Variants in TMEM131 observed in about 807,000 individuals in gnomAD.
The protein encoded by TMEM131 is transmembrane protein 131.
TMEM131 carries 66 observed loss-of-function variants against 211.6 expected under a neutral mutation model. That is an observed-to-expected ratio of 0.31 (90% CI 0.26 to 0.38). The LOEUF (loss-of-function observed/expected upper bound fraction) is 0.38, where lower values mean the gene tolerates loss of function less well. Ranked by LOEUF, TMEM131 falls within the 10% of genes least tolerant of loss-of-function variation. The probability of loss-of-function intolerance (pLI) is 1.00; values close to 1 mark genes in which losing one functional copy is unlikely to be tolerated. For missense variants in TMEM131, 2,036 were observed against 2,299.3 expected, an observed-to-expected ratio of 0.89 and a Z score of 2.34; for synonymous variants, 844 against 841.3, an observed-to-expected ratio of 1.00 and a Z score of -0.06.
At chr2:97,879,940 T>A (rs1193383598) in intron 4 of TMEM131, among the ~76,000 whole-genome samples, 1 of 152,174 alleles carries the variant, frequency 6.6e-6, no homozygotes. Context: ...GCCCCTAACC[T>A]GCCATGTTGT....
rs747576558 is a variant in TMEM131, at chr2:97,766,111, T to C, written c.4723+3A>G. 3 of 1,613,956 alleles carry C rather than the reference T, an allele frequency of 1.9e-6. No homozygotes were observed. The Admixed American group carries it at 5.0e-5, about 27-fold the overall frequency. ...CCTGTGGTTTCTAAACTACTATACT[T>C]ACAGCTGCCAGGTTTGTGAACTGGA... On this transcript the variant is annotated splice_donor_region_variant and intron_variant, in intron 35 of 40. Coordinates refer to ENST00000186436, the MANE Select transcript of TMEM131 (RefSeq NM_015348.2).
intron 19 of TMEM131, among the ~76,000 whole-genome samples, chr2:97,807,457 G>A (rs1681360090): frequency 1.3e-5 from 2 of 152,114 alleles, no homozygotes; most frequent in African/African-American, 4.8e-5. Flanking sequence ...CTTCTCTCTT[G>A]CCATGTGATC....
Position 97,839,677 on chromosome 2 carries a change from T to C in TMEM131, c.723+2138A>G, listed in dbSNP as rs530761311. On this transcript the variant is annotated intron_variant, in intron 7 of 40. Coordinates refer to ENST00000186436, the MANE Select transcript of TMEM131 (RefSeq NM_015348.2). ...TACATACAAGGTGGCAAAAGTGGTG[T>C]CCACGAGGAAGGGCTTGGACTGCAA... 6.6e-5 allele frequency among the ~76,000 whole-genome samples: 10 copies of C among 152,366 alleles called. No homozygotes were observed. The East Asian group carries it at 1.9e-3, about 29-fold the overall frequency.
intron 4 of TMEM131, among the ~76,000 whole-genome samples, chr2:97,879,031 T>G (rs1328279341): frequency 1.3e-5 from 2 of 152,170 alleles, no homozygotes; most frequent in Non-Finnish European, 2.9e-5. Context: ...TCTTGATATC[T>G]GAACCAAATT....
chr2:97,801,405 T>C (rs1681030459), intron 25 of TMEM131, among the ~76,000 whole-genome samples: 1 of 152,258 alleles, frequency 6.6e-6, no homozygotes, highest in South Asian at 2.1e-4. Flanking sequence ...AACCAGTTTA[T>C]GTATATGTTT....
At chr2:97,811,498 A>C (rs1279321944) in intron 17 of TMEM131, among the ~76,000 whole-genome samples, 1 of 151,794 alleles carries the variant, frequency 6.6e-6, no homozygotes, top group Non-Finnish European at 1.5e-5. Flanking sequence ...AAAGCTCCTC[A>C]CTCTTTACCC....
rs1678877105 is a variant in TMEM131 at position 97,762,022 on chromosome 2, G to A, written c.4889+13C>T. 2 of 1,540,420 alleles carry A rather than the reference G, an allele frequency of 1.3e-6. No individual in the cohort carries two copies. The highest frequency in any genetic ancestry group is 4.6e-5 in the East Asian group (2 of 43,660). ...TTTCAAGCTGAGAACCGGAAAGGAA[G>A]CAGCAGGCCTACCTGCTGGAGCTGC... On this transcript the variant is annotated intron_variant, in intron 36 of 40. Transcript: ENST00000186436.
intron 5 of TMEM131, among the ~76,000 whole-genome samples, chr2:97,848,157 C>A (rs1261344993): frequency 6.6e-6 from 1 of 152,122 alleles, no homozygotes; most frequent in African/African-American, 2.4e-5. Flanking sequence ...CTCACACATA[C>A]AAGGTCAACT....
chr2:97,810,991 C>A, intron 18 of TMEM131, 137 bp downstream of exon 18: 1 of 676,242 alleles, frequency 1.5e-6, no homozygotes, highest in Non-Finnish European at 2.6e-6. Flanking sequence ...AAACTATTCT[C>A]GAAAGCTCAG....
intron 4 of TMEM131, among the ~76,000 whole-genome samples, chr2:97,878,459 A>G (rs1209116519): frequency 6.6e-6 from 1 of 152,266 alleles, no homozygotes; most frequent in Admixed American, 6.5e-5. Context: ...TCATATGTCC[A>G]TCAATAGGCT....
chr2:97,864,324 G>A (rs1035413640), intron 4 of TMEM131, among the ~76,000 whole-genome samples: 3 of 151,774 alleles, frequency 2.0e-5, no homozygotes, highest in Admixed American at 6.6e-5. Context: ...AGCACAACAC[G>A]GTGACTACAG....
At position 97,837,175 on chromosome 2, in the gene TMEM131, A is replaced by G. The variant is rs113517252; in HGVS notation, c.724-18T>C. On this transcript the variant is annotated intron_variant, in intron 7 of 40. Coordinates refer to ENST00000186436, the MANE Select transcript of TMEM131 (RefSeq NM_015348.2). The stretch of plus-strand genomic sequence containing the variant: ...TCTACAACCTGGGGCAAAAGAGCAC[A>G]TGATGGCTACGTTCAAAGTCATATT... The G allele has an allele frequency of 1.9e-6, 3 of 1,569,566 alleles. No homozygotes were observed. Among genetic ancestry groups the G allele is most frequent in the African/African-American group, 2.8e-5 (2 of 72,402 alleles).
intron 18 of TMEM131, among the ~76,000 whole-genome samples, chr2:97,810,375 T>G (rs1420821067): frequency 2.0e-5 from 3 of 152,190 alleles, no homozygotes; most frequent in South Asian, 4.1e-4. Context: ...CTGTCATGAG[T>G]GATAACCATG....
Position 97,793,942 on chromosome 2 carries a change from C to T in TMEM131, c.3387-389G>A, listed in dbSNP as rs1260773151. On this transcript the variant is annotated intron_variant, in intron 29 of 40. Coordinates refer to ENST00000186436, the MANE Select transcript of TMEM131 (RefSeq NM_015348.2). The stretch of plus-strand genomic sequence containing the variant: ...CCGGGAGGCGGAGCTTGCAGTGAGC[C>T]GAGATCGTGCCACTGCACTCCAGCC... Among the ~76,000 whole-genome samples, 5 of 130,106 alleles carry T rather than the reference C, an allele frequency of 3.8e-5. No homozygotes were observed. In the South Asian group the frequency reaches 7.3e-4, roughly 19 times the overall value. The allele number at this position is 130,106 out of a possible 152,430, so 85.4% of individuals were successfully genotyped here.
intron 4 of TMEM131, among the ~76,000 whole-genome samples, chr2:97,882,203 T>C (rs1481193437): frequency 1.3e-5 from 2 of 152,218 alleles, no homozygotes; most frequent in Admixed American, 6.5e-5. Flanking sequence ...TGATATCAAC[T>C]TGACTTGAAC....
At chr2:97,976,966 A>C (rs1679565522) in intron 1 of TMEM131, among the ~76,000 whole-genome samples, 1 of 149,648 alleles carries the variant, frequency 6.7e-6, no homozygotes, top group South Asian at 2.1e-4. Context: ...TATGCAAAAA[A>C]AAAAAAAAAA....
intron 4 of TMEM131, among the ~76,000 whole-genome samples, chr2:97,869,639 A>C (rs923976658): frequency 3.3e-5 from 5 of 152,194 alleles, no homozygotes; most frequent in Admixed American, 3.3e-4. Context: ...CACAGGAAGC[A>C]AAGGGAGCGG....
chr2:97,951,669 A>G (rs957491809), intron 1 of TMEM131, among the ~76,000 whole-genome samples: 1 of 151,454 alleles, frequency 6.6e-6, no homozygotes. Context: ...GTTGTACTCC[A>G]CTCCAGTCTG....
At chr2:97,875,981 T>C (rs1674678210) in intron 4 of TMEM131, among the ~76,000 whole-genome samples, 1 of 149,490 alleles carries the variant, frequency 6.7e-6, no homozygotes, top group African/African-American at 2.4e-5. Flanking sequence ...GCCAGACTAA[T>C]AGAGAAGAAT....
Sources: gnomAD v4.1 joint callset for allele counts (sites outside exome capture counted in the v4.1 genomes callset) on GRCh38, gnomAD v4.1.1 for gene constraint, MANE v1.5 for transcripts, NCBI Gene and HGNC (gene_info 2026-07-23, HGNC 2026-07-21) for gene names.